Variants in HARS1 observed in about 807,000 individuals in gnomAD.
The protein encoded by HARS1 is histidyl-tRNA synthetase 1, also known as histidine--tRNA ligase, cytoplasmic.
In HARS1, 45 loss-of-function variants were observed where a neutral mutation model predicts 63.6. The observed-to-expected ratio is 0.71, with a 90% CI of 0.56 to 0.91. HARS1 has a LOEUF of 0.91. Ranked by LOEUF, HARS1 falls within the 40% of genes least tolerant of loss-of-function variation. HARS1 has a pLI of 0.00. For missense variants in HARS1, 508 were observed against 643.2 expected (o/e 0.79, Z 2.27); for synonymous variants, 205 against 247.1 (o/e 0.83, Z 1.60).
intron 2 of HARS1, chr5:140,684,328 CAAAAAT>C: frequency 1.0e-6 from 1 of 980,750 alleles, no homozygotes; most frequent in Non-Finnish European, 1.2e-6. Context: ...ACCAAACAAA[CAAAAAT>C]AATAACAACA....
rs369359185 is a variant in HARS1 at position 140,680,689 on chromosome 5, C to CA, written c.301-807dup. On this transcript the variant is annotated intron_variant, in intron 3 of 12. Coordinates refer to ENST00000504156, the MANE Select transcript of HARS1 (RefSeq NM_002109.6). Reference sequence around the variant, plus strand: ...TGAAACCCTGTCTCTACTAAAAATACAAAATTAGCTGGGGGAGCTGGTAGG... The same window carrying CA: ...TGAAACCCTGTCTCTACTAAAAATACAAAAATTAGCTGGGGGAGCTGGTAGG... 4.5e-3 allele frequency among the ~76,000 whole-genome samples: 679 copies of CA among 152,000 alleles called. 3 individuals are homozygous for CA. The highest frequency in any genetic ancestry group is 0.015 in the African/African-American group (619 of 41,478).
chr5:140,677,114 C>T lies in HARS1; in HGVS notation c.826G>A (p.Gly276Arg). 1.2e-6 allele frequency: 2 copies of T among 1,613,932 alleles called. No homozygotes were observed. Among genetic ancestry groups the T allele is most frequent in the Non-Finnish European group, 1.7e-6 (2 of 1,179,888 alleles). ...AGCAGCTGTTCCACCAGGGATACCC[C>T]ACCTGGGGAGACAGACTTGTGAGTG... ...RIGDYVQQHGGVSLVEQLLQD... is the reference protein window; with the variant it reads ...RIGDYVQQHGRVSLVEQLLQD... The change falls in exon 9 of 13, where the codon GGG becomes AGG. Residue 276 changes from glycine (G) to arginine (R), a missense_variant and splice_region_variant. By Grantham distance (125) the Gly-to-Arg change is moderately radical (BLOSUM62 -2). Around this residue, in one of 2 missense-constraint regions of HARS1, gnomAD observed 403 missense variants for 548.7 expected, o/e 0.73. Transcript: ENST00000504156.
chr5:140,685,271 T>C (rs570791188), intron 2 of HARS1: 1 of 151,944 alleles, frequency 6.6e-6, no homozygotes, highest in African/African-American at 2.4e-5. Context: ...GAAAGTAGGA[T>C]AGCAGTTACC....
intron 3 of HARS1, among the ~76,000 whole-genome samples, chr5:140,680,380 C>T (rs112265354): frequency 6.6e-6 from 1 of 151,632 alleles, no homozygotes; most frequent in Admixed American, 6.6e-5. Context: ...CTCTTGACCT[C>T]GTGATCTGCC....
At position 140,675,055 on chromosome 5, in the gene HARS1, G is replaced by C; in HGVS notation, c.1273C>G (p.Leu425Val). The C allele has an allele frequency of 6.2e-7, 1 of 1,613,070 alleles. No homozygotes were observed. Among genetic ancestry groups the C allele is most frequent in the Non-Finnish European group, 8.5e-7 (1 of 1,179,198 alleles). Reference sequence around the variant, plus strand: ...TCCCACAGTTCTGAGACAAGCTTTAGTCTTTCCTCTAGCAGCTTCTTCTGT... The same window carrying C: ...TCCCACAGTTCTGAGACAAGCTTTACTCTTTCCTCTAGCAGCTTCTTCTGT... ...SAQKKLLEER[L>V]KLVSELWDAG... The change falls in exon 11 of 13, where the codon CTA (leucine) becomes GTA (valine). Residue 425 changes from leucine to valine, a missense_variant. By Grantham distance (32) the Leu-to-Val change is conservative. Around this residue, in one of 2 missense-constraint regions of HARS1, gnomAD observed 403 missense variants for 548.7 expected, o/e 0.73. Transcript: ENST00000504156.
Position 140,677,677 on chromosome 5 carries a change from G to A in HARS1, c.707C>T (p.Ser236Phe). 1.9e-6 allele frequency: 3 copies of A among 1,610,244 alleles called. No individual in the cohort carries two copies. Among genetic ancestry groups the A allele is most frequent in the East Asian group, 2.2e-5 (1 of 44,832 alleles). ...VSDSKFRTIC[S>F]SVDKLDKVSW... Reference sequence around the variant, plus strand: ...TACCTTGTCCAGCTTGTCTACTGAGGAGCAGATGGTACGGAACTTGCTGTC... The same window carrying A: ...TACCTTGTCCAGCTTGTCTACTGAGAAGCAGATGGTACGGAACTTGCTGTC... The change falls in exon 7 of 13, where the codon TCC (serine) becomes TTC (phenylalanine). Residue 236 changes from serine (S) to phenylalanine (F), a missense_variant. Ser to Phe is a radical substitution (Grantham distance 155, BLOSUM62 -2). This residue lies in a region of HARS1 where 403 missense variants were observed against 548.7 expected (regional missense o/e 0.73). Coordinates refer to ENST00000504156, the MANE Select transcript of HARS1 (RefSeq NM_002109.6).
intron 2 of HARS1, among the ~76,000 whole-genome samples, chr5:140,688,137 C>G (rs1581525241): frequency 8.7e-6 from 1 of 115,002 alleles, no homozygotes; most frequent in Non-Finnish European, 1.9e-5. Context: ...CAAAACAAAA[C>G]AAAACAAAAG....
chr5:140,685,986 G>A (rs1672899177), intron 2 of HARS1, among the ~76,000 whole-genome samples: 1 of 149,414 alleles, frequency 6.7e-6, no homozygotes, highest in South Asian at 2.1e-4. Context: ...CTGAAGTGCA[G>A]TGGTGTGATC....
chr5:140,678,300 C>G (rs1758513722), intron 5 of HARS1: 2 of 441,636 alleles, frequency 4.5e-6, no homozygotes, highest in Non-Finnish European at 8.2e-6. Context: ...GCCATTTTCC[C>G]TATTCATCCA....
intron 2 of HARS1, among the ~76,000 whole-genome samples, chr5:140,688,423 C>T (rs1759176560): frequency 6.6e-6 from 1 of 152,124 alleles, no homozygotes; most frequent in African/African-American, 2.4e-5. Context: ...AAATCCCAGA[C>T]GTCATATCAT....
At chr5:140,674,953 CTTT>C in intron 11 of HARS1, 61 bp downstream of exon 11, 1 of 1,483,126 alleles carries the variant, frequency 6.7e-7, no homozygotes, top group Non-Finnish European at 9.4e-7. Context: ...TATGGGTGAG[CTTT>C]TATTCAGTTT....
In HARS1 at chr5:140,691,260, TC is replaced by T; in HGVS notation, c.44del (p.Gly15GlufsTer16). On this transcript the variant is annotated frameshift_variant, in exon 1 of 13. Transcript: ENST00000504156. LOFTEE classifies it high-confidence loss of function. Reference sequence around the variant, plus strand: ...GCTGCTTGAGGCCTCGCACGCGCTCTCCCTGAAGTTTCACCAGCTCCTCCAG... The same window carrying T: ...GCTGCTTGAGGCCTCGCACGCGCTCTCCTGAAGTTTCACCAGCTCCTCCAG... ...AALEELVKLQGERVRGLKQQK... is the reference protein window; with the variant it reads ...AALEELVKLQXERVRGLKQQK... The T allele has an allele frequency of 1.2e-6, 2 of 1,608,650 alleles. No individual in the cohort carries two copies. The highest frequency in any genetic ancestry group is 1.7e-6 in the Non-Finnish European group (2 of 1,179,524).
chr5:140,682,878 A>G (rs1758806078), intron 3 of HARS1: 23 of 479,384 alleles, frequency 4.8e-5, no homozygotes, highest in Admixed American at 4.6e-4. Context: ...TTACCATTCC[A>G]AAGAATGGCT....
intron 5 of HARS1, chr5:140,678,218 C>T: frequency 1.7e-6 from 1 of 583,314 alleles, no homozygotes; most frequent in South Asian, 2.1e-5. Context: ...CTGGGCTATT[C>T]CTTCATTTTC....
chr5:140,674,446 A>AG lies in HARS1; in HGVS notation c.1459-119_1459-118insC. On this transcript the variant is annotated intron_variant, in intron 12 of 12. Transcript: ENST00000504156. ...TTGTCTCAGCTGGGAGCAGGAACCT[A>AG]ATTAAACACCTCAGGCTAGAGTGTG... is the stretch of plus-strand genomic sequence containing the variant. 4.7e-6 allele frequency: 4 copies of AG among 846,652 alleles called. No homozygotes were observed. In the South Asian group the frequency reaches 5.9e-5, roughly 12 times the overall value. 52.4% of individuals were successfully genotyped at this position (846,652 alleles called of 1,614,324 possible). A position where few individuals can be genotyped will look rare whatever the true frequency, so the allele number is the denominator to read the frequency against.
At chr5:140,678,070 G>A (rs897285404) in intron 5 of HARS1, 55 bp from the exon 6 acceptor site, 3 of 913,744 alleles carry the variant, frequency 3.3e-6, no homozygotes, top group South Asian at 2.7e-5. Flanking sequence ...CTGAAGGGGG[G>A]ACTCTGGGAG....
At chr5:140,691,012 A>C in intron 1 of HARS1, 68 bp from the exon 2 acceptor site, 1 of 1,033,898 alleles carries the variant, frequency 9.7e-7, no homozygotes, top group Non-Finnish European at 1.5e-6. Context: ...CATTCATTCA[A>C]TATTCCTCCC....
chr5:140,691,087 A>G (rs1165811215), intron 1 of HARS1, 128 bp downstream of exon 1: 1 of 903,904 alleles, frequency 1.1e-6, no homozygotes, highest in East Asian at 2.5e-5. Context: ...ATGTCTCCCC[A>G]CGCAGCCCAC....
At chr5:140,674,608 T>G (rs1462555550) in intron 12 of HARS1, 71 bp downstream of exon 12, 1 of 1,548,646 alleles carries the variant, frequency 6.5e-7, no homozygotes, top group Non-Finnish European at 8.9e-7. Context: ...TTCTCAGGTC[T>G]TGAATGGGCA....
Sources: gnomAD v4.1 joint callset for allele counts (sites outside exome capture counted in the v4.1 genomes callset) on GRCh38, gnomAD v4.1.1 for gene constraint, gnomAD v4.1.1 regional missense constraint, MANE v1.5 for transcripts, NCBI Gene and HGNC (gene_info 2026-07-23, HGNC 2026-07-21) for gene names.